TNS1: variants seen among roughly 807,000 people sequenced by gnomAD.
TNS1 encodes tensin 1.
In TNS1, 62 loss-of-function variants were observed where a neutral mutation model predicts 168.6. The observed-to-expected ratio is 0.37, with a 90% CI of 0.30 to 0.45. TNS1 has a LOEUF of 0.45. Among genes scored for constraint, TNS1 ranks in the 20% least tolerant of loss-of-function variants. The probability of loss-of-function intolerance (pLI) is 1.00; values close to 1 mark genes in which losing one functional copy is unlikely to be tolerated. For synonymous variants in TNS1, 934 were observed against 933.2 expected (o/e 1.00, Z -0.02); for missense variants, 2,240 against 2,339.4 (o/e 0.96, Z 0.88).
At chr2:217,941,815 T>G (rs1421506268) in intron 3 of TNS1, among the ~76,000 whole-genome samples, 1 of 152,150 alleles carries the variant, frequency 6.6e-6, no homozygotes, top group Non-Finnish European at 1.5e-5. Context: ...AGGAAGCTCT[T>G]CCTTCACCTG....
intron 2 of TNS1, 98 bp from the exon 3 acceptor site, chr2:217,978,900 CGGGAAGGAAGGA>C (rs1957963158): frequency 1.3e-5 from 9 of 689,764 alleles, no homozygotes; most frequent in Non-Finnish European, 2.4e-5. Context: ...AATCCGCGCT[CGGGAAGGAAGGA>C]GGGAAGGAGG....
intron 2 of TNS1, among the ~76,000 whole-genome samples, chr2:217,980,496 TACAC>T (rs141508769): frequency 0.02 from 2,533 of 123,936 alleles, 89 homozygotes; most frequent in African/African-American, 0.079. Context: ...CTCTCTCTCC[TACAC>T]ACACACAGAG....
chr2:217,931,401 C>T (rs1346825667), intron 3 of TNS1, among the ~76,000 whole-genome samples: 2 of 152,124 alleles, frequency 1.3e-5, no homozygotes, highest in African/African-American at 2.4e-5. Context: ...GTGGGAAAAC[C>T]CAAAGAGCCA....
intron 3 of TNS1, among the ~76,000 whole-genome samples, chr2:217,972,724 G>T (rs1422704152): frequency 6.6e-6 from 1 of 152,226 alleles, no homozygotes; most frequent in African/African-American, 2.4e-5. Context: ...CTGACCTGCA[G>T]CAGACAAAGA....
rs1944102716 is a variant in TNS1 at position 217,829,517 on chromosome 2, C to CTGCACACCAGGCAGGCTGG, written c.3373+1919_3373+1937dup. On this transcript the variant is annotated intron_variant, in intron 22 of 32. Transcript: ENST00000682258. Reference sequence around the variant, plus strand: ...CCTCCCTGTCTACCTCTATGAGCTGCTGCACACCAGGCAGGCTGGTGCAAA... The same window carrying CTGCACACCAGGCAGGCTGG: ...CCTCCCTGTCTACCTCTATGAGCTGCTGCACACCAGGCAGGCTGGTGCACACCAGGCAGGCTGGTGCAAA... Among the ~76,000 whole-genome samples, 3 of 152,338 alleles carry CTGCACACCAGGCAGGCTGG rather than the reference C, an allele frequency of 2.0e-5. No individual in the cohort carries two copies. In the South Asian group the frequency reaches 6.2e-4, roughly 32 times the overall value.
intron 18 of TNS1, among the ~76,000 whole-genome samples, chr2:217,868,853 C>G (rs1348976925): frequency 6.6e-6 from 1 of 152,220 alleles, no homozygotes; most frequent in Non-Finnish European, 1.5e-5. Context: ...GACGTGGGTT[C>G]CACCCCTTCC....
intron 22 of TNS1, among the ~76,000 whole-genome samples, chr2:217,830,665 A>G (rs948743741): frequency 6.6e-6 from 1 of 152,230 alleles, no homozygotes; most frequent in Non-Finnish European, 1.5e-5. Flanking sequence ...GTTTGACCCC[A>G]GGGAGGCCGA....
At chr2:217,992,626 G>A (rs1368835615) in intron 1 of TNS1, 1 of 152,498 alleles carries the variant, frequency 6.6e-6, no homozygotes, top group Non-Finnish European at 1.5e-5. Flanking sequence ...AAGAGGCAAA[G>A]GCATAGAAAG....
intron 3 of TNS1, among the ~76,000 whole-genome samples, chr2:217,957,638 A>G (rs1364315025): frequency 6.6e-6 from 1 of 152,148 alleles, no homozygotes; most frequent in Non-Finnish European, 1.5e-5. Context: ...CAATCCAAAT[A>G]AGACATTTTT....
At chr2:218,030,131 T>C (rs1408751623) in intron 1 of TNS1, among the ~76,000 whole-genome samples, 1 of 152,010 alleles carries the variant, frequency 6.6e-6, no homozygotes, top group Non-Finnish European at 1.5e-5. Context: ...GCTTTGACTC[T>C]CTCCCTCCCA....
chr2:217,804,421 C>T lies in TNS1; in HGVS notation c.*38G>A. ...TTCATGGGTCCCCTCCCCACAAGCCCCTTCCCCATGGCACTGGCCCTGGGC... is the reference window on the plus strand; with the variant it reads ...TTCATGGGTCCCCTCCCCACAAGCCTCTTCCCCATGGCACTGGCCCTGGGC... On this transcript the variant is annotated 3_prime_UTR_variant, in exon 33 of 33. Coordinates refer to ENST00000682258, the MANE Select transcript of TNS1 (RefSeq NM_001387777.1). 1.2e-6 allele frequency: 2 copies of T among 1,612,450 alleles called. No homozygotes were observed. The highest frequency in any genetic ancestry group is 1.7e-6 in the Non-Finnish European group (2 of 1,179,052).
At chr2:217,864,185 CG>C (rs1949051407) in intron 18 of TNS1, among the ~76,000 whole-genome samples, 1 of 152,186 alleles carries the variant, frequency 6.6e-6, no homozygotes, top group Non-Finnish European at 1.5e-5. Flanking sequence ...CCACTCACCG[CG>C]CTTCTGCTTC....
intron 18 of TNS1, among the ~76,000 whole-genome samples, chr2:217,860,423 G>T (rs1446730710): frequency 2.0e-5 from 3 of 152,144 alleles, no homozygotes; most frequent in Admixed American, 6.5e-5. Flanking sequence ...AAGCAGAGGG[G>T]TTCTATGCCT....
At position 217,802,357 on chromosome 2, in the gene TNS1, C is replaced by A. The variant is rs1937598823; in HGVS notation, c.*2102G>T. 6.6e-6 allele frequency: 1 copy of A among 152,268 alleles called. No individual in the cohort carries two copies. The highest frequency in any genetic ancestry group is 2.4e-5 in the African/African-American group (1 of 41,454). 9.4% of individuals were successfully genotyped at this position (152,268 alleles called of 1,614,324 possible). On this transcript the variant is annotated 3_prime_UTR_variant, in exon 33 of 33. Coordinates refer to ENST00000682258, the MANE Select transcript of TNS1 (RefSeq NM_001387777.1). ...CTTCTGCAGACACCCTCCTTTCCAA[C>A]TCCCTGAAACAGAACGTCCACACTG... is the stretch of plus-strand genomic sequence containing the variant.
intron 19 of TNS1, chr2:217,842,052 C>A (rs939758647): frequency 1.0e-5 from 7 of 702,800 alleles, no homozygotes; most frequent in Non-Finnish European, 1.8e-5. Context: ...GCTATGTTAC[C>A]TTTCCTCTCC....
intron 12 of TNS1, among the ~76,000 whole-genome samples, chr2:217,888,059 G>A (rs1432380007): frequency 2.0e-5 from 3 of 152,168 alleles, no homozygotes; most frequent in Admixed American, 6.6e-5. Flanking sequence ...TCTGTCCCTG[G>A]GTTTGGGTGG....
chr2:217,987,793 G>A (rs1296546176), intron 2 of TNS1, among the ~76,000 whole-genome samples: 1 of 152,218 alleles, frequency 6.6e-6, no homozygotes, highest in Non-Finnish European at 1.5e-5. Context: ...TCAGTGAACA[G>A]ACATGAGCTG....
At chr2:217,949,036 G>T (rs1957181939) in intron 3 of TNS1, among the ~76,000 whole-genome samples, 2 of 152,284 alleles carry the variant, frequency 1.3e-5, no homozygotes, top group South Asian at 4.1e-4. Flanking sequence ...CACACTGGCA[G>T]CCCCTCCCTC....
chr2:217,864,394 A>G (rs1434622738), intron 18 of TNS1, among the ~76,000 whole-genome samples: 1 of 152,142 alleles, frequency 6.6e-6, no homozygotes, highest in African/African-American at 2.4e-5. Context: ...TTCAAAGTGG[A>G]TATTGTTATG....
Sources: allele counts gnomAD v4.1 joint callset (sites outside exome capture counted in the v4.1 genomes callset), GRCh38; gene constraint gnomAD v4.1.1; transcripts MANE v1.5; gene names NCBI Gene and HGNC (gene_info 2026-07-23, HGNC 2026-07-21).